The following FSTL4 variants were observed in gnomAD, a reference collection of about 807,000 sequenced individuals.
FSTL4 encodes follistatin like 4, also known as follistatin-related protein 4.
A neutral mutation model predicts 78.2 loss-of-function variants in FSTL4; 28 were observed. That is an observed-to-expected ratio of 0.36 (90% CI 0.27 to 0.49). FSTL4 has a LOEUF of 0.49. Among genes scored for constraint, FSTL4 ranks in the 20% least tolerant of loss-of-function variants. FSTL4 has a pLI of 0.98. For missense variants in FSTL4, 922 were observed against 1,084.9 expected (o/e 0.85, Z 2.11); for synonymous variants, 422 against 440.5 (o/e 0.96, Z 0.53).
At chr5:133,465,858 C>G (rs1757696570) in intron 3 of FSTL4, among the ~76,000 whole-genome samples, 1 of 152,248 alleles carries the variant, frequency 6.6e-6, no homozygotes, top group Non-Finnish European at 1.5e-5. Context: ...AACAGGGATA[C>G]TGGATTTCCA....
intron 2 of FSTL4, among the ~76,000 whole-genome samples, chr5:133,590,785 C>T (rs543021222): frequency 6.6e-6 from 1 of 152,246 alleles, no homozygotes; most frequent in Non-Finnish European, 1.5e-5. Flanking sequence ...TTATAATGAA[C>T]AGAAATGTAT....
At chr5:133,287,772 A>T (rs918432855) in intron 6 of FSTL4, among the ~76,000 whole-genome samples, 2 of 152,174 alleles carry the variant, frequency 1.3e-5, no homozygotes, top group African/African-American at 4.8e-5. Flanking sequence ...CTCCAGCCTC[A>T]GTGTCTTTCT....
intron 4 of FSTL4, among the ~76,000 whole-genome samples, chr5:133,351,912 A>G (rs1286260575): frequency 3.3e-5 from 5 of 152,048 alleles, no homozygotes; most frequent in African/African-American, 1.2e-4. Context: ...CTGGCCTTAT[A>G]TTTTGAATTT....
intron 4 of FSTL4, among the ~76,000 whole-genome samples, chr5:133,386,039 T>C (rs897436451): frequency 6.6e-6 from 1 of 152,118 alleles, no homozygotes; most frequent in Admixed American, 6.5e-5. Context: ...TCCTCACCGG[T>C]TGAGTGGTGT....
intron 3 of FSTL4, among the ~76,000 whole-genome samples, chr5:133,560,670 C>A (rs1187662194): frequency 6.7e-6 from 1 of 148,170 alleles, no homozygotes; most frequent in African/African-American, 2.5e-5. Context: ...GGTCGTTTGT[C>A]TTTAAGTTCT....
chr5:133,645,708 A>T, the FSTL4 span, among the ~76,000 whole-genome samples: 1 of 152,122 alleles, frequency 6.6e-6, no homozygotes, highest in Admixed American at 6.5e-5. Context: ...AAGTATCCTC[A>T]TGAGAGTGAG....
At chr5:133,401,116 G>A in intron 3 of FSTL4, 130 bp from the exon 4 acceptor site, 1 of 997,968 alleles carries the variant, frequency 1.0e-6, no homozygotes, top group East Asian at 2.5e-5. Context: ...GTGGGGCCTG[G>A]GGGCTTGGGG....
intron 3 of FSTL4, among the ~76,000 whole-genome samples, chr5:133,464,828 C>T (rs923545298): frequency 6.6e-6 from 1 of 152,208 alleles, no homozygotes; most frequent in African/African-American, 2.4e-5. Context: ...GTATTTCATA[C>T]AAAATATAGC....
At position 133,326,143 on chromosome 5, in the gene FSTL4, G is replaced by A. The variant is rs560699822; in HGVS notation, c.410-9491C>T. 3.3e-5 allele frequency among the ~76,000 whole-genome samples: 5 copies of A among 152,304 alleles called. No individual in the cohort carries two copies. The South Asian group carries it at 1.0e-3, about 32-fold the overall frequency. On this transcript the variant is annotated intron_variant, in intron 4 of 15. Coordinates refer to ENST00000265342, the MANE Select transcript of FSTL4 (RefSeq NM_015082.2). ...ACTTTGCTGGAGTTTAGCTTAAGAG[G>A]AACAGATGTTTAACTTGATGTAAAT...
intron 3 of FSTL4, among the ~76,000 whole-genome samples, chr5:133,549,535 T>G (rs1759652178): frequency 6.6e-6 from 1 of 152,240 alleles, no homozygotes; most frequent in Non-Finnish European, 1.5e-5. Context: ...TTATCTGGTC[T>G]TCATAGTTCC....
the FSTL4 span, among the ~76,000 whole-genome samples, chr5:133,700,871 T>C: frequency 6.6e-6 from 1 of 152,218 alleles, no homozygotes; most frequent in South Asian, 2.1e-4. Context: ...CGGCCTTCAT[T>C]TGGAAGTTCC....
At chr5:133,358,618 C>T (rs1222713755) in intron 4 of FSTL4, among the ~76,000 whole-genome samples, 4 of 106,768 alleles carry the variant, frequency 3.7e-5, no homozygotes, top group East Asian at 2.8e-4. Context: ...TTTTTTGAGG[C>T]GGAGTCTCAC....
chr5:133,796,787 A>T, the FSTL4 span, among the ~76,000 whole-genome samples: 1 of 152,088 alleles, frequency 6.6e-6, no homozygotes, highest in African/African-American at 2.4e-5. Flanking sequence ...TTGGGGATGA[A>T]AACAGGCATG....
At chr5:133,285,354 G>A (rs1314870100) in intron 6 of FSTL4, among the ~76,000 whole-genome samples, 2 of 152,226 alleles carry the variant, frequency 1.3e-5, no homozygotes, top group Non-Finnish European at 2.9e-5. Flanking sequence ...CTGGCAGAAT[G>A]AGGGGAACAC....
chr5:133,315,984 G>A (rs1284724471), intron 5 of FSTL4, among the ~76,000 whole-genome samples: 1 of 152,342 alleles, frequency 6.6e-6, no homozygotes, highest in Non-Finnish European at 1.5e-5. Flanking sequence ...TTTCCCAAAT[G>A]AGAGCAGGGC....
chr5:133,801,685 T>C, the FSTL4 span, among the ~76,000 whole-genome samples: 1 of 152,306 alleles, frequency 6.6e-6, no homozygotes, highest in Non-Finnish European at 1.5e-5. Flanking sequence ...CCAGGTGCAG[T>C]TAGGGGAACC....
chr5:133,398,853 T>G (rs1416738480), intron 4 of FSTL4, among the ~76,000 whole-genome samples: 1 of 152,186 alleles, frequency 6.6e-6, no homozygotes, highest in East Asian at 1.9e-4. Context: ...AAAGGGGTCC[T>G]TAAGAGAGGA....
intron 3 of FSTL4, among the ~76,000 whole-genome samples, chr5:133,432,768 C>T (rs941640265): frequency 6.6e-6 from 1 of 152,152 alleles, no homozygotes; most frequent in African/African-American, 2.4e-5. Context: ...GCGAGGCCCA[C>T]TCACTTGGTA....
chr5:133,698,341 G>T, the FSTL4 span, among the ~76,000 whole-genome samples: 33 of 152,320 alleles, frequency 2.2e-4, no homozygotes, highest in African/African-American at 7.9e-4. Flanking sequence ...GGGAAAGAAG[G>T]AAGGACAGAC....
Sources: gnomAD v4.1 joint callset for allele counts (sites outside exome capture counted in the v4.1 genomes callset) on GRCh38, gnomAD v4.1.1 for gene constraint, MANE v1.5 for transcripts, NCBI Gene and HGNC (gene_info 2026-07-23, HGNC 2026-07-21) for gene names.